Variants in AGBL4 observed in about 807,000 individuals in gnomAD.
AGBL4 encodes AGBL carboxypeptidase 4.
AGBL4 carries 58 observed loss-of-function variants against 66.4 expected under a neutral mutation model. The ratio of observed to expected loss-of-function variants is 0.87; its 90% confidence interval spans 0.71 to 1.09. AGBL4 has a LOEUF of 1.09. AGBL4 is among the 50% of genes least tolerant of loss of function. The probability of loss-of-function intolerance (pLI) is 0.00; values close to 1 mark genes in which losing one functional copy is unlikely to be tolerated. For synonymous variants in AGBL4, 234 were observed against 222.9 expected (o/e 1.05, Z -0.44); for missense variants, 579 against 631.0 (o/e 0.92, Z 0.88).
At chr1:49,393,398 T>C (rs1211313444) in intron 3 of AGBL4, among the ~76,000 whole-genome samples, 1 of 152,208 alleles carries the variant, frequency 6.6e-6, no homozygotes, top group Non-Finnish European at 1.5e-5. Flanking sequence ...AATTCACTTC[T>C]TATTCCCAAT....
At chr1:48,989,249 A>G (rs1660421245) in intron 5 of AGBL4, among the ~76,000 whole-genome samples, 1 of 152,100 alleles carries the variant, frequency 6.6e-6, no homozygotes, top group African/African-American at 2.4e-5. Flanking sequence ...TTGTTGGTAC[A>G]TAGTAGGTAT....
intron 3 of AGBL4, among the ~76,000 whole-genome samples, chr1:49,599,866 T>G (rs901918789): frequency 1.8e-4 from 27 of 152,048 alleles, no homozygotes; most frequent in African/African-American, 5.8e-4. Flanking sequence ...TAATTTTATT[T>G]ACTCAGTAGT....
intron 3 of AGBL4, among the ~76,000 whole-genome samples, chr1:49,395,829 G>GTATACATATATATA (rs1290729874): frequency 1.4e-5 from 1 of 71,222 alleles, no homozygotes; most frequent in African/African-American, 6.2e-5. Flanking sequence ...ATATATATAT[G>GTATACATATATATA]TGTATATATA....
chr1:49,657,445 T>C (rs936437673), intron 3 of AGBL4, among the ~76,000 whole-genome samples: 7 of 152,170 alleles, frequency 4.6e-5, no homozygotes, highest in African/African-American at 1.7e-4. Flanking sequence ...AGGTAATTTA[T>C]AGATTCAATG....
chr1:49,651,099 C>T (rs1184281740), intron 3 of AGBL4, among the ~76,000 whole-genome samples: 1 of 152,186 alleles, frequency 6.6e-6, no homozygotes, highest in Non-Finnish European at 1.5e-5. Flanking sequence ...TGCCCTGCAA[C>T]CACTTTTGTG....
At chr1:49,495,364 T>C (rs946388526) in intron 3 of AGBL4, among the ~76,000 whole-genome samples, 5 of 152,188 alleles carry the variant, frequency 3.3e-5, no homozygotes, top group African/African-American at 1.2e-4. Context: ...TTTTTGCTAT[T>C]TTTCTTATAG....
At chr1:48,974,364 A>G (rs2148956804) in intron 5 of AGBL4, among the ~76,000 whole-genome samples, 1 of 152,280 alleles carries the variant, frequency 6.6e-6, no homozygotes, top group African/African-American at 2.4e-5. Flanking sequence ...GTGCAAATGC[A>G]GCAGTGGATT....
At chr1:49,541,100 C>G (rs146786925) in intron 3 of AGBL4, among the ~76,000 whole-genome samples, 112 of 152,304 alleles carry the variant, frequency 7.4e-4, no homozygotes, top group African/African-American at 2.7e-3. Context: ...AACTTACAGA[C>G]TATAGAGTTT....
At chr1:49,149,640 T>C (rs1001533969) in intron 4 of AGBL4, among the ~76,000 whole-genome samples, 22 of 152,334 alleles carry the variant, frequency 1.4e-4, no homozygotes, top group African/African-American at 5.3e-4. Context: ...TCTGTATACT[T>C]AAGATGAGCC....
intron 6 of AGBL4, among the ~76,000 whole-genome samples, chr1:48,807,910 C>A (rs932722958): frequency 1.3e-5 from 2 of 152,088 alleles, no homozygotes. Flanking sequence ...ACTGCATCAT[C>A]TTAATCTCCT....
At chr1:49,258,774 G>A (rs1447189275) in intron 3 of AGBL4, among the ~76,000 whole-genome samples, 1 of 152,154 alleles carries the variant, frequency 6.6e-6, no homozygotes, top group Non-Finnish European at 1.5e-5. Context: ...TAGCAAGGCA[G>A]GCCAACGTTC....
intron 9 of AGBL4, among the ~76,000 whole-genome samples, chr1:48,627,132 G>A (rs1186502406): frequency 2.0e-5 from 3 of 152,042 alleles, no homozygotes; most frequent in Non-Finnish European, 4.4e-5. Flanking sequence ...ATGGACACTC[G>A]GGTCCCTTGG....
intron 3 of AGBL4, among the ~76,000 whole-genome samples, chr1:49,456,265 C>G (rs1646386652): frequency 6.6e-6 from 1 of 151,660 alleles, no homozygotes; most frequent in South Asian, 2.1e-4. Context: ...CAAAATCAGG[C>G]CTAGAAATAG....
chr1:49,060,821 G>T (rs1053609907), intron 4 of AGBL4, among the ~76,000 whole-genome samples: 4 of 152,182 alleles, frequency 2.6e-5, no homozygotes, highest in African/African-American at 9.7e-5. Context: ...GGGAATGCTT[G>T]TTCACTGAAC....
At chr1:49,592,965 AT>A (rs1644780577) in intron 3 of AGBL4, among the ~76,000 whole-genome samples, 1 of 152,216 alleles carries the variant, frequency 6.6e-6, no homozygotes. Flanking sequence ...ATGGAAGGCA[AT>A]TTGACAATGC....
chr1:48,697,834 T>C (rs1244306037), intron 6 of AGBL4, among the ~76,000 whole-genome samples: 1 of 152,194 alleles, frequency 6.6e-6, no homozygotes, highest in Non-Finnish European at 1.5e-5. Flanking sequence ...TCCTGACACC[T>C]GGGTTGATGC....
intron 9 of AGBL4, among the ~76,000 whole-genome samples, chr1:48,609,726 A>G (rs1466565009): frequency 2.0e-5 from 3 of 152,116 alleles, no homozygotes; most frequent in African/African-American, 4.8e-5. Context: ...CTTGGTTGCC[A>G]TTTTCATTAC....
At chr1:48,846,421 G>GAAATAAATAAAT (rs1553243684) in intron 6 of AGBL4, among the ~76,000 whole-genome samples, 3 of 144,602 alleles carry the variant, frequency 2.1e-5, no homozygotes, top group Non-Finnish European at 4.5e-5. Context: ...AAGAAAGAAA[G>GAAATAAATAAAT]AAATTCATTT....
intron 2 of AGBL4, among the ~76,000 whole-genome samples, chr1:49,765,009 T>G (rs1294186633): frequency 2.6e-5 from 4 of 152,094 alleles, no homozygotes; most frequent in Non-Finnish European, 5.9e-5. Context: ...CCCCTACAAA[T>G]ACCTCAACAC....
Sources: allele counts gnomAD v4.1 joint callset (sites outside exome capture counted in the v4.1 genomes callset), GRCh38; gene constraint gnomAD v4.1.1; transcripts MANE v1.5; gene names NCBI Gene and HGNC (gene_info 2026-07-23, HGNC 2026-07-21).